Variants in RBFOX3 observed in about 807,000 individuals in gnomAD.
The protein encoded by RBFOX3 is RNA binding protein fox-1 homolog 3.
Under a neutral mutation model 48.7 loss-of-function variants are expected in RBFOX3, and 17 were observed. That is an observed-to-expected ratio of 0.35 (90% confidence interval 0.24 to 0.52). RBFOX3 has a LOEUF of 0.52. RBFOX3 is among the 20% of genes least tolerant of loss of function. The pLI is 0.94. For synonymous variants in RBFOX3, 212 were observed against 209.5 expected (o/e 1.01, Z -0.10); for missense variants, 382 against 497.5 (o/e 0.77, Z 2.21).
chr17:79,257,014 G>C (rs1300675958), intron 3 of RBFOX3, among the ~76,000 whole-genome samples: 1 of 152,208 alleles, frequency 6.6e-6, no homozygotes, highest in East Asian at 1.9e-4. Context: ...GAGGAATCTG[G>C]GGAACTGGTG....
At chr17:79,460,512 T>C (rs2075240728) in intron 2 of RBFOX3, among the ~76,000 whole-genome samples, 1 of 152,142 alleles carries the variant, frequency 6.6e-6, no homozygotes, top group African/African-American at 2.4e-5. Context: ...TCAAGCCCCA[T>C]GCCCCAGCCA....
intron 1 of RBFOX3, among the ~76,000 whole-genome samples, chr17:79,490,848 G>A (rs1345500977): frequency 1.3e-5 from 2 of 151,180 alleles, no homozygotes; most frequent in Non-Finnish European, 2.9e-5. Flanking sequence ...CTAAGCCATC[G>A]AGAATGGTGC....
At chr17:79,587,649 G>C (rs979140824) in intron 1 of RBFOX3, among the ~76,000 whole-genome samples, 1 of 152,200 alleles carries the variant, frequency 6.6e-6, no homozygotes, top group African/African-American at 2.4e-5. Context: ...GGAGCAGCAG[G>C]CTGGCCAGAA....
chr17:79,204,337 G>A lies in RBFOX3; in HGVS notation c.-34+31429C>T, dbSNP rs1272271598. Among the ~76,000 whole-genome samples the A allele has an allele frequency of 6.6e-6, 1 of 152,202 alleles. No homozygotes were observed. Among genetic ancestry groups the A allele is most frequent in the African/African-American group, 2.4e-5 (1 of 41,440 alleles). On this transcript the variant is annotated intron_variant, in intron 4 of 14. Transcript: ENST00000693108. This position sits in a 1 kb window ranked among gnomAD's most constrained non-coding sequence, Gnocchi z 4.5. Reference sequence around the variant, plus strand: ...CGGGTACACACCAGCGGGTGCCGGGGAGCAGGGGGCGTAGGTGGGGTTGGG... The same window carrying A: ...CGGGTACACACCAGCGGGTGCCGGGAAGCAGGGGGCGTAGGTGGGGTTGGG...
intron 1 of RBFOX3, among the ~76,000 whole-genome samples, chr17:79,580,262 G>A (rs1388055647): frequency 0.014 from 440 of 30,954 alleles, 4 homozygotes; most frequent in African/African-American, 0.051. Flanking sequence ...TCCTCCCCCC[G>A]TCCTCCTCCT....
chr17:79,369,381 G>A (rs765922850), intron 2 of RBFOX3, among the ~76,000 whole-genome samples: 40 of 150,040 alleles, frequency 2.7e-4, no homozygotes, highest in Non-Finnish European at 4.5e-4. Flanking sequence ...GACCCTGACC[G>A]TGACCCTTGC....
At chr17:79,376,452 G>T (rs2059236680) in intron 2 of RBFOX3, among the ~76,000 whole-genome samples, 2 of 152,208 alleles carry the variant, frequency 1.3e-5, no homozygotes, top group South Asian at 4.1e-4. Flanking sequence ...GACTGGAGCT[G>T]CCAACATGAA....
At chr17:79,095,347 A>G (rs1397023523) in intron 13 of RBFOX3, among the ~76,000 whole-genome samples, 166 bp downstream of exon 13, 2 of 152,138 alleles carry the variant, frequency 1.3e-5, no homozygotes, top group Non-Finnish European at 1.5e-5. Flanking sequence ...TCAGGGGCTC[A>G]CTGGCTCAAG....
intron 1 of RBFOX3, among the ~76,000 whole-genome samples, chr17:79,552,595 G>A (rs1002334740): frequency 1.1e-4 from 16 of 152,216 alleles, no homozygotes; most frequent in South Asian, 2.1e-4. Context: ...TATGGAAAGC[G>A]CTCAAGTCAG....
In RBFOX3 at chr17:79,481,854, C is replaced by T. The variant is rs2078824796; in HGVS notation, c.-175+600G>A. Among the ~76,000 whole-genome samples the T allele has an allele frequency of 1.3e-5, 2 of 152,232 alleles. No individual in the cohort carries two copies. Among genetic ancestry groups the T allele is most frequent in the East Asian group, 3.8e-4 (2 of 5,202 alleles). On this transcript the variant is annotated intron_variant, in intron 2 of 14. Coordinates refer to ENST00000693108, the MANE Select transcript of RBFOX3 (RefSeq NM_001350451.2). The surrounding 1 kb of genome is among the most constrained non-coding windows in gnomAD (Gnocchi z 5.4). ...GTCCTGGGAACCTCTGAATTTGCCA[C>T]TGGTCACAAGTGCAGGTGACCCTGG...
At chr17:79,542,031 G>A (rs1045643529) in intron 1 of RBFOX3, among the ~76,000 whole-genome samples, 2 of 145,750 alleles carry the variant, frequency 1.4e-5, no homozygotes, top group Admixed American at 1.4e-4. Flanking sequence ...CACCTTGAGA[G>A]CGTCGACCTT....
chr17:79,091,709 A>T (rs1384703077), intron 14 of RBFOX3, among the ~76,000 whole-genome samples: 1 of 152,138 alleles, frequency 6.6e-6, no homozygotes, highest in African/African-American at 2.4e-5. Context: ...ATATACCCCA[A>T]TAAAGACATT....
At chr17:79,157,159 T>A (rs2045992939) in intron 4 of RBFOX3, among the ~76,000 whole-genome samples, 1 of 152,154 alleles carries the variant, frequency 6.6e-6, no homozygotes, top group Admixed American at 6.5e-5. Flanking sequence ...TGCTCTCTCC[T>A]TTGCGTGTCT....
chr17:79,567,269 C>T lies in RBFOX3; in HGVS notation c.-320+43557G>A, dbSNP rs1357145338. ...TGTGATCTCGGCTCACTGCAACCTC[C>T]AGCTCCCAGGTTCAAGCGATTCTCC... On this transcript the variant is annotated intron_variant, in intron 1 of 14. Transcript: ENST00000693108. 3.4e-5 allele frequency among the ~76,000 whole-genome samples: 5 copies of T among 147,976 alleles called. No individual in the cohort carries two copies. In the South Asian group the frequency reaches 8.7e-4, roughly 26 times the overall value.
chr17:79,503,347 A>C (rs1158092881), intron 1 of RBFOX3, among the ~76,000 whole-genome samples: 1 of 152,226 alleles, frequency 6.6e-6, no homozygotes, highest in Non-Finnish European at 1.5e-5. Context: ...TGGCACAGCC[A>C]CCCAAAAGCG....
intron 4 of RBFOX3, among the ~76,000 whole-genome samples, chr17:79,228,165 T>C (rs934926654): frequency 5.3e-5 from 8 of 152,292 alleles, no homozygotes; most frequent in African/African-American, 1.9e-4. Context: ...TTAAGTGGGA[T>C]TGTGTCAAGA....
rs115569553 is a variant in RBFOX3 at position 79,303,779 on chromosome 17, G to A, written c.-74+3945C>T. On this transcript the variant is annotated intron_variant, in intron 3 of 14. Coordinates refer to ENST00000693108, the MANE Select transcript of RBFOX3 (RefSeq NM_001350451.2). ...AGAAGCTTCCACACACTAGGTGCAC[G>A]TACGTGTGTGTATGTACCTGCGTGT... Among the ~76,000 whole-genome samples the A allele has an allele frequency of 5.5e-3, 841 of 152,128 alleles. 9 individuals are homozygous for A. Among genetic ancestry groups the A allele is most frequent in the African/African-American group, 0.019 (792 of 41,508 alleles).
intron 2 of RBFOX3, among the ~76,000 whole-genome samples, chr17:79,474,872 T>G (rs1445788598): frequency 6.6e-6 from 1 of 152,068 alleles, no homozygotes; most frequent in African/African-American, 2.4e-5. Context: ...GGTCTCTTTT[T>G]CCCTCTGTTT....
At chr17:79,375,507 G>A (rs2059119982) in intron 2 of RBFOX3, among the ~76,000 whole-genome samples, 1 of 152,190 alleles carries the variant, frequency 6.6e-6, no homozygotes, top group Non-Finnish European at 1.5e-5. Context: ...GAAGCAGGGT[G>A]ACGTGCTGGG....
Sources: gnomAD v4.1 joint callset for allele counts (sites outside exome capture counted in the v4.1 genomes callset) on GRCh38, gnomAD v4.1.1 for gene constraint, Gnocchi (gnomAD v3.1) non-coding constraint, MANE v1.5 for transcripts, NCBI Gene and HGNC (gene_info 2026-07-23, HGNC 2026-07-21) for gene names.